CDCA7L: variants seen among roughly 807,000 people sequenced by gnomAD.
CDCA7L encodes cell division cycle-associated 7-like protein.
In CDCA7L, 44 loss-of-function variants were observed where a neutral mutation model predicts 57.4. The ratio of observed to expected loss-of-function variants is 0.77; its 90% CI spans 0.60 to 0.98. The LOEUF (loss-of-function observed/expected upper bound fraction) is 0.98, where lower values mean the gene tolerates loss of function less well. Among genes scored for constraint, CDCA7L ranks in the 50% least tolerant of loss-of-function variants. CDCA7L has a pLI of 0.00. For synonymous variants in CDCA7L, 236 were observed against 202.8 expected (o/e 1.16, Z -1.39); for missense variants, 644 against 580.6 (o/e 1.11, Z -1.12).
At position 21,916,831 on chromosome 7, in the gene CDCA7L, G is replaced by A. The variant is rs1276420267; in HGVS notation, c.88C>T (p.Arg30Ter). ...AGGGTTTCCATGGGAACATCATCTCGGAAGCCAACAAACTCTTCATCATCA... is the reference window on the plus strand; with the variant it reads ...AGGGTTTCCATGGGAACATCATCTCAGAAGCCAACAAACTCTTCATCATCA... ...PSDDEEFVGF[R>*]DDVPMETLSS... The change falls in exon 2 of 10, where the codon CGA becomes TGA. Residue 30 changes from arginine to a stop codon, truncating the protein, a stop_gained. Coordinates refer to ENST00000406877, the MANE Select transcript of CDCA7L (RefSeq NM_018719.5). LOFTEE classifies it high-confidence loss of function. 3 of 1,614,006 alleles carry A rather than the reference G, an allele frequency of 1.9e-6. No individual in the cohort carries two copies. Among genetic ancestry groups the A allele is most frequent in the South Asian group, 1.1e-5 (1 of 91,068 alleles).
At chr7:21,911,963 C>CAAAA (rs59150302) in intron 2 of CDCA7L, among the ~76,000 whole-genome samples, 2 of 137,308 alleles carry the variant, frequency 1.5e-5, no homozygotes, top group Non-Finnish European at 1.6e-5. Flanking sequence ...TATTTTACCA[C>CAAAA]AAAAAAAAAA....
At position 21,906,586 on chromosome 7, in the gene CDCA7L, T is replaced by C; in HGVS notation, c.735A>G (p.Arg245=). Residue 245 remains arginine (R), a synonymous_variant, in exon 5 of 10, where the codon CGA becomes CGG. Coordinates refer to ENST00000406877, the MANE Select transcript of CDCA7L (RefSeq NM_018719.5). ...LNSMPDFFPV[R]TPTSASRKKT... ...TACTTACAGAAGCTGAGGTTGGGGT[T>C]CGTACTGGGAAGAAATCTGGCATCG... The C allele has an allele frequency of 1.2e-6, 2 of 1,614,156 alleles. No homozygotes were observed. Among genetic ancestry groups the C allele is most frequent in the Non-Finnish European group, 1.7e-6 (2 of 1,180,028 alleles).
chr7:21,934,475 C>T (rs1417715179), intron 1 of CDCA7L, among the ~76,000 whole-genome samples: 2 of 152,080 alleles, frequency 1.3e-5, no homozygotes, highest in African/African-American at 4.8e-5. Flanking sequence ...ATCAACTAAA[C>T]TCAAAGGAAG....
chr7:21,937,499 A>C (rs1333022225), intron 1 of CDCA7L, among the ~76,000 whole-genome samples: 1 of 152,026 alleles, frequency 6.6e-6, no homozygotes, highest in South Asian at 2.1e-4. Context: ...TTAGCCAGGC[A>C]TGGCAGCATG....
chr7:21,915,203 A>G (rs1785441002), intron 2 of CDCA7L, among the ~76,000 whole-genome samples: 1 of 152,082 alleles, frequency 6.6e-6, no homozygotes, highest in Non-Finnish European at 1.5e-5. Context: ...GGAGTCAAGG[A>G]GATGGAAGAG....
At chr7:21,928,122 A>T (rs1785883538) in intron 1 of CDCA7L, among the ~76,000 whole-genome samples, 1 of 152,212 alleles carries the variant, frequency 6.6e-6, no homozygotes, top group Non-Finnish European at 1.5e-5. Context: ...GGAAGAAAAC[A>T]GGCAGCAATC....
At chr7:21,910,558 C>A (rs535554415) in intron 3 of CDCA7L, among the ~76,000 whole-genome samples, 10 of 152,196 alleles carry the variant, frequency 6.6e-5, no homozygotes, top group African/African-American at 2.2e-4. Context: ...GGCGTAAACT[C>A]TACGTTCCAT....
At chr7:21,929,631 CAAAAAAAA>C (rs57283961) in intron 1 of CDCA7L, among the ~76,000 whole-genome samples, 21 of 35,508 alleles carry the variant, frequency 5.9e-4, no homozygotes, top group Admixed American at 2.0e-3. Flanking sequence ...AAATGGAAAG[CAAAAAAAA>C]AAAAAAAAAA....
intron 2 of CDCA7L, among the ~76,000 whole-genome samples, chr7:21,913,626 T>C (rs1785397788): frequency 6.6e-6 from 1 of 152,188 alleles, no homozygotes. Flanking sequence ...TGCAGGCTAA[T>C]TTAGAGTGGT....
At chr7:21,936,538 G>C (rs1475982600) in intron 1 of CDCA7L, among the ~76,000 whole-genome samples, 1 of 151,808 alleles carries the variant, frequency 6.6e-6, no homozygotes, top group Non-Finnish European at 1.5e-5. Context: ...AATTAATGTA[G>C]TACACCCTAT....
intron 9 of CDCA7L, 69 bp downstream of exon 9, chr7:21,902,909 C>CGGTTTATATAAGTAAGTAAGT: frequency 6.7e-7 from 1 of 1,498,292 alleles, no homozygotes; most frequent in Non-Finnish European, 9.2e-7. Context: ...CAACTACTTG[C>CGGTTTATATAAGTAAGTAAGT]CCAGAGGGTC....
chr7:21,920,531 TACAA>T (rs1295584970), intron 1 of CDCA7L, among the ~76,000 whole-genome samples: 1 of 152,240 alleles, frequency 6.6e-6, no homozygotes, highest in Non-Finnish European at 1.5e-5. Context: ...GAAGGGTTAA[TACAA>T]ACACTTTCCC....
rs1785202325 is a variant in CDCA7L at position 21,908,246 on chromosome 7, C to A, written c.565G>T (p.Val189Leu). ...GAGGTAGAATCTTCCCTTTGTATCA[C>A]CTGTCTACAGTCTTTCTTTCTTTCA... ...ILERKKDCRQ[V>L]IQREDSTSES... is the part of the protein sequence containing the mutation. Residue 189 changes from valine to leucine, a missense_variant, in exon 4 of 10, where the codon GTG becomes TTG. Val to Leu is a conservative substitution (Grantham distance 32, BLOSUM62 1). Coordinates refer to ENST00000406877, the MANE Select transcript of CDCA7L (RefSeq NM_018719.5). 1 of 1,613,610 alleles carries A rather than the reference C, an allele frequency of 6.2e-7. No homozygotes were observed. The highest frequency in any genetic ancestry group is 8.5e-7 in the Non-Finnish European group (1 of 1,179,968).
At chr7:21,911,502 A>T in intron 3 of CDCA7L, 115 bp downstream of exon 3, 2 of 1,310,492 alleles carry the variant, frequency 1.5e-6, no homozygotes, top group Non-Finnish European at 2.1e-6. Flanking sequence ...TGCTTGTAAG[A>T]TAAATATGTA....
intron 3 of CDCA7L, among the ~76,000 whole-genome samples, chr7:21,911,163 T>G (rs1785313943): frequency 6.6e-6 from 1 of 151,406 alleles, no homozygotes; most frequent in Admixed American, 6.6e-5. Flanking sequence ...CCGAGTAGCT[T>G]GGATTACAGG....
Position 21,902,581 on chromosome 7 carries a change from A to AG in CDCA7L, c.1335-230_1335-229insC, listed in dbSNP as rs1293184256. ...CCAGAACCACGATTCAGAGTTTATTAATTACATAAATGAAACTTGTAACTC... is the reference window on the plus strand; with the variant it reads ...CCAGAACCACGATTCAGAGTTTATTAGATTACATAAATGAAACTTGTAACTC... On this transcript the variant is annotated intron_variant, in intron 9 of 9. Coordinates refer to ENST00000406877, the MANE Select transcript of CDCA7L (RefSeq NM_018719.5). 3.3e-4 allele frequency: 193 copies of AG among 578,122 alleles called. 1 individual carries two copies. In the South Asian group the frequency reaches 3.7e-3, roughly 11 times the overall value. The allele number at this position is 578,122 out of a possible 1,614,324, so 35.8% of individuals were successfully genotyped here. A position where few individuals can be genotyped will look rare whatever the true frequency, so the allele number is the denominator to read the frequency against.
intron 9 of CDCA7L, 157 bp downstream of exon 9, chr7:21,902,821 A>G: frequency 1.5e-6 from 1 of 663,224 alleles, no homozygotes; most frequent in Non-Finnish European, 2.5e-6. Context: ...ATCAGGCCTG[A>G]GCTTTTCCAA....
At chr7:21,921,021 T>G (rs569211613) in intron 1 of CDCA7L, among the ~76,000 whole-genome samples, 25 of 152,294 alleles carry the variant, frequency 1.6e-4, no homozygotes, top group Admixed American at 6.5e-5. Context: ...TTTATGGATT[T>G]AATGGAAATA....
At chr7:21,909,527 A>G (rs796898329) in intron 3 of CDCA7L, among the ~76,000 whole-genome samples, 36 of 151,894 alleles carry the variant, frequency 2.4e-4, no homozygotes, top group African/African-American at 8.2e-4. Context: ...ACACAGGGAG[A>G]AAAAAAACGC....
Sources: gnomAD v4.1 joint callset for allele counts (sites outside exome capture counted in the v4.1 genomes callset) on GRCh38, gnomAD v4.1.1 for gene constraint, MANE v1.5 for transcripts, NCBI Gene and HGNC (gene_info 2026-07-23, HGNC 2026-07-21) for gene names.